Variants in TIPARP observed in about 807,000 individuals in gnomAD.
TIPARP encodes the protein TCDD inducible poly(ADP-ribose) polymerase.
Under a neutral mutation model 56.5 loss-of-function variants are expected in TIPARP, and 12 were observed. The ratio of observed to expected loss-of-function variants is 0.21; its 90% CI spans 0.14 to 0.34. The LOEUF is 0.34. TIPARP is among the 10% of genes least tolerant of loss of function. TIPARP has a pLI of 1.00. For synonymous variants in TIPARP, 296 were observed against 265.7 expected, an observed-to-expected ratio of 1.11 and a Z score of -1.11; for missense variants, 604 against 781.6, an observed-to-expected ratio of 0.77 and a Z score of 2.71.
At chr3:156,704,544 C>CT in intron 5 of TIPARP, 140 bp from the exon 6 acceptor site, 1 of 828,110 alleles carries the variant, frequency 1.2e-6, no homozygotes, top group African/African-American at 1.7e-5. Flanking sequence ...TAAGTTTCAA[C>CT]TTTTAATAGG....
intron 2 of TIPARP, among the ~76,000 whole-genome samples, chr3:156,684,795 G>A (rs1425832047): frequency 1.3e-5 from 2 of 152,168 alleles, no homozygotes; most frequent in Non-Finnish European, 2.9e-5. Context: ...GATTGTTTAT[G>A]ACAGTGCTTT....
At chr3:156,687,474 T>C (rs1722458716) in intron 2 of TIPARP, among the ~76,000 whole-genome samples, 1 of 152,184 alleles carries the variant, frequency 6.6e-6, no homozygotes, top group Non-Finnish European at 1.5e-5. Flanking sequence ...ATAACAATAT[T>C]TTAGTAGGTT....
intron 2 of TIPARP, chr3:156,681,036 G>A (rs1722288875): frequency 2.4e-6 from 1 of 420,286 alleles, no homozygotes; most frequent in Non-Finnish European, 4.8e-6. Flanking sequence ...ATAGCTAAGT[G>A]TCAAAAATTA....
Position 156,677,691 on chromosome 3 carries a change from C to T in TIPARP, c.-7C>T, listed in dbSNP as rs1185852695. 3.2e-6 allele frequency: 5 copies of T among 1,565,338 alleles called. No individual in the cohort carries two copies. The highest frequency in any genetic ancestry group is 1.4e-5 in the African/African-American group (1 of 72,664). ...ACTCTGAGGAGCAGTTGGAGCTAAT[C>T]CACATTATGGAAATGGAAACCACCG... On this transcript the variant is annotated 5_prime_UTR_variant, in exon 2 of 6. Coordinates refer to ENST00000295924, the MANE Select transcript of TIPARP (RefSeq NM_015508.5).
rs1722984720 is a variant in TIPARP at position 156,706,467 on chromosome 3, T to A, written c.*1336T>A. 6.6e-6 allele frequency: 1 copy of A among 152,670 alleles called. No homozygotes were observed. The highest frequency in any genetic ancestry group is 1.5e-5 in the Non-Finnish European group (1 of 68,032). The allele number at this position is 152,670 out of a possible 1,614,324, so 9.5% of individuals were successfully genotyped here. ...GTATCTGTACTGATGTCTCAGTGAA[T>A]CAGTCTGTTTATTAAGCACTTATCA... On this transcript the variant is annotated 3_prime_UTR_variant, in exon 6 of 6. Coordinates refer to ENST00000295924, the MANE Select transcript of TIPARP (RefSeq NM_015508.5).
intron 3 of TIPARP, among the ~76,000 whole-genome samples, chr3:156,695,557 T>C (rs1722691904): frequency 6.6e-6 from 1 of 151,904 alleles, no homozygotes; most frequent in Non-Finnish European, 1.5e-5. Flanking sequence ...TTTTGAAAAC[T>C]CCCTTAAGAA....
intron 2 of TIPARP, among the ~76,000 whole-genome samples, chr3:156,687,920 C>T (rs917818259): frequency 6.6e-6 from 1 of 152,180 alleles, no homozygotes; most frequent in Non-Finnish European, 1.5e-5. Context: ...AAGGGAGCAG[C>T]AACAAGGCCT....
intron 2 of TIPARP, among the ~76,000 whole-genome samples, chr3:156,686,256 C>G (rs1002841637): frequency 6.6e-6 from 1 of 152,104 alleles, no homozygotes; most frequent in African/African-American, 2.4e-5. Flanking sequence ...GAAATAATTT[C>G]GACTCTCTTA....
At chr3:156,684,977 A>G (rs1722397119) in intron 2 of TIPARP, among the ~76,000 whole-genome samples, 1 of 152,202 alleles carries the variant, frequency 6.6e-6, no homozygotes, top group East Asian at 1.9e-4. Flanking sequence ...TAGGTTCTGA[A>G]ATACATTTTG....
chr3:156,699,759 T>C (rs1398833532), intron 4 of TIPARP, among the ~76,000 whole-genome samples: 1 of 152,216 alleles, frequency 6.6e-6, no homozygotes, highest in Non-Finnish European at 1.5e-5. Context: ...ATTTTCCTTT[T>C]TCTTTTAAAA....
chr3:156,676,444 TTTG>T lies in TIPARP; in HGVS notation c.-41-1206_-41-1204del, dbSNP rs143925806. Among the ~76,000 whole-genome samples, 446 of 152,376 alleles carry T rather than the reference TTTG, an allele frequency of 2.9e-3. 1 individual carries two copies. The highest frequency in any genetic ancestry group is 4.6e-3 in the Non-Finnish European group (316 of 68,036). On this transcript the variant is annotated intron_variant, in intron 1 of 5. Coordinates refer to ENST00000295924, the MANE Select transcript of TIPARP (RefSeq NM_015508.5). ...CTTTTGGGGACACTCAGTTTTACCT[TTTG>T]TTGTTGACCCACAAACAACAAAGAA...
chr3:156,704,710 T>C lies in TIPARP; in HGVS notation c.1553T>C (p.Met518Thr). 6.2e-7 allele frequency: 1 copy of C among 1,613,838 alleles called. No individual in the cohort carries two copies. The highest frequency in any genetic ancestry group is 8.5e-7 in the Non-Finnish European group (1 of 1,179,836). The change falls in exon 6 of 6, where the codon ATG becomes ACG. Residue 518 changes from methionine (M) to threonine (T), a missense_variant. Coordinates refer to ENST00000295924, the MANE Select transcript of TIPARP (RefSeq NM_015508.5). ...KRKKEYMNRKMFGRDRIINER... is the reference protein window; with the variant it reads ...KRKKEYMNRKTFGRDRIINER... Reference sequence around the variant, plus strand: ...AAAAAGGAATATATGAACAGGAAAATGTTTGGCCGTGACAGGATAATAAAT... The same window carrying C: ...AAAAAGGAATATATGAACAGGAAAACGTTTGGCCGTGACAGGATAATAAAT...
At chr3:156,702,766 G>A (rs552266511) in intron 4 of TIPARP, among the ~76,000 whole-genome samples, 1 of 152,282 alleles carries the variant, frequency 6.6e-6, no homozygotes, top group Admixed American at 6.5e-5. Flanking sequence ...TGAATTTAAA[G>A]GCTCACGGAT....
rs145937401 is a variant in TIPARP, at chr3:156,704,724, A to T, written c.1567A>T (p.Arg523Trp). Residue 523 changes from arginine to tryptophan, a missense_variant, in exon 6 of 6, where the codon AGG becomes TGG. Around this residue, in one of 4 missense-constraint regions of TIPARP, gnomAD observed 252 missense variants for 303.9 expected, o/e 0.83. Transcript: ENST00000295924. ...YMNRKMFGRD[R>W]IINERHLFHG... ...GAACAGGAAAATGTTTGGCCGTGACAGGATAATAAATGAGAGACATTTATT... is the reference window on the plus strand; with the variant it reads ...GAACAGGAAAATGTTTGGCCGTGACTGGATAATAAATGAGAGACATTTATT... 1 of 1,614,198 alleles carries T rather than the reference A, an allele frequency of 6.2e-7. No homozygotes were observed.
chr3:156,691,725 T>C (rs1722580831), intron 2 of TIPARP, among the ~76,000 whole-genome samples: 1 of 152,176 alleles, frequency 6.6e-6, no homozygotes, highest in African/African-American at 2.4e-5. Flanking sequence ...GGTGGTAAAA[T>C]TAATCTTACA....
intron 1 of TIPARP, 26 bp from the exon 2 acceptor site, chr3:156,677,631 G>T: frequency 1.4e-6 from 2 of 1,438,426 alleles, no homozygotes; most frequent in South Asian, 3.0e-5. Context: ...GTTTGTAAAT[G>T]ATCATCTTCC....
chr3:156,702,062 GGTGGTGGTGGTT>G (rs879603084), intron 4 of TIPARP, among the ~76,000 whole-genome samples: 3,307 of 145,652 alleles, frequency 0.023, 97 homozygotes, highest in African/African-American at 0.029. Context: ...TGGTGGTGGT[GGTGGTGGTGGTT>G]GTGGTGGTGG....
Position 156,678,312 on chromosome 3 carries a change from G to A in TIPARP, c.615G>A (p.Lys205=). 1 of 1,614,192 alleles carries A rather than the reference G, an allele frequency of 6.2e-7. No homozygotes were observed. Among genetic ancestry groups the A allele is most frequent in the Non-Finnish European group, 8.5e-7 (1 of 1,180,032 alleles). ...AATACATTCTGGACACCAGTGATAA[G>A]CTGAGTACTGAGCTCTTTCAGGACA... ...TIQYILDTSD[K]LSTELFQDKS... is the part of the protein sequence containing the mutation. The change falls in exon 2 of 6, where the codon AAG becomes AAA. Residue 205 remains lysine, a synonymous_variant. Coordinates refer to ENST00000295924, the MANE Select transcript of TIPARP (RefSeq NM_015508.5).
intron 2 of TIPARP, among the ~76,000 whole-genome samples, chr3:156,685,922 A>G (rs907634727): frequency 6.6e-6 from 1 of 152,292 alleles, no homozygotes; most frequent in East Asian, 1.9e-4. Context: ...AGAGAGGGCA[A>G]ATGGCACAAA....
Sources: gnomAD v4.1 joint callset for allele counts (sites outside exome capture counted in the v4.1 genomes callset) on GRCh38, gnomAD v4.1.1 for gene constraint, gnomAD v4.1.1 regional missense constraint, MANE v1.5 for transcripts, NCBI Gene and HGNC (gene_info 2026-07-23, HGNC 2026-07-21) for gene names.